The following PPIL6 variants were observed in gnomAD, a reference collection of about 807,000 sequenced individuals.
PPIL6 encodes probable inactive peptidyl-prolyl cis-trans isomerase-like 6.
PPIL6 carries 39 observed loss-of-function variants against 36.8 expected under a neutral mutation model. The observed-to-expected ratio is 1.06, with a 90% CI of 0.82 to 1.38. The LOEUF (loss-of-function observed/expected upper bound fraction) is 1.38, where lower values mean the gene tolerates loss of function less well. Among genes scored for constraint, PPIL6 ranks in the 40% most tolerant of loss-of-function variants. The probability of loss-of-function intolerance (pLI) is 0.00; values close to 1 mark genes in which losing one functional copy is unlikely to be tolerated. For synonymous variants in PPIL6, 123 were observed against 134.1 expected (o/e 0.92, Z 0.57); for missense variants, 368 against 379.1 (o/e 0.97, Z 0.24).
In PPIL6 at chr6:109,422,184, T is replaced by G. The variant is rs555581755; in HGVS notation, c.632-2941A>C. Among the ~76,000 whole-genome samples, 4 of 152,228 alleles carry G rather than the reference T, an allele frequency of 2.6e-5. No homozygotes were observed. The East Asian group carries it at 5.8e-4, about 22-fold the overall frequency. On this transcript the variant is annotated intron_variant, in intron 5 of 7. Coordinates refer to ENST00000521072, the MANE Select transcript of PPIL6 (RefSeq NM_173672.5). ...AGCCACCGTGCCTGGCCTACAAAAA[T>G]TTTTAAAAATTAGCTGGGCATGGTG...
In PPIL6 at chr6:109,403,082, C is replaced by T. The variant is rs1227700354; in HGVS notation, c.689-2912G>A. 5 of 1,530,150 alleles carry T rather than the reference C, an allele frequency of 3.3e-6. No homozygotes were observed. In the African/African-American group the frequency reaches 5.5e-5, roughly 17 times the overall value. 94.8% of individuals were successfully genotyped at this position (1,530,150 alleles called of 1,614,324 possible). On this transcript the variant is annotated intron_variant, in intron 6 of 7. Coordinates refer to ENST00000521072, the MANE Select transcript of PPIL6 (RefSeq NM_173672.5). ...CCTCTGCTTTCCTTCTGCCTCTTTA[C>T]ACTTCTTTTCAAGCTTCCATAAAGC...
intron 1 of PPIL6, among the ~76,000 whole-genome samples, chr6:109,437,769 G>A (rs1774535310): frequency 6.6e-6 from 1 of 151,804 alleles, no homozygotes; most frequent in African/African-American, 2.4e-5. Context: ...TGGCCAGGCT[G>A]GTCTTGGCCA....
intron 6 of PPIL6, among the ~76,000 whole-genome samples, 161 bp downstream of exon 6, chr6:109,419,026 G>A (rs941021352): frequency 2.0e-5 from 3 of 151,954 alleles, no homozygotes; most frequent in East Asian, 1.9e-4. Context: ...TGCTCTGGTC[G>A]GGCCTTAGGG....
chr6:109,424,171 C>A (rs189332925), intron 5 of PPIL6, among the ~76,000 whole-genome samples: 1 of 152,146 alleles, frequency 6.6e-6, no homozygotes, highest in East Asian at 1.9e-4. Context: ...TCCGGTAAGG[C>A]CTTGCCCAGA....
chr6:109,411,977 TG>T (rs1773031754), intron 6 of PPIL6, among the ~76,000 whole-genome samples: 1 of 152,072 alleles, frequency 6.6e-6, no homozygotes, highest in South Asian at 2.1e-4. Flanking sequence ...ACTCCAGAGG[TG>T]GGGCTCAGAT....
rs116533355 is a variant in PPIL6, at chr6:109,428,596, A to G, written c.421-1440T>C. Among the ~76,000 whole-genome samples the G allele has an allele frequency of 7.8e-4, 118 of 151,542 alleles. 1 individual carries two copies. The highest frequency in any genetic ancestry group is 3.4e-3 in the Middle Eastern group (1 of 290). ...ACCACCTTATTGAGCAAGGTGCATA[A>G]CTTGTCCTGTCCTCTTTCTTAAGAA... On this transcript the variant is annotated intron_variant, in intron 3 of 7. Transcript: ENST00000521072.
chr6:109,421,576 G>A (rs533583399), intron 5 of PPIL6, among the ~76,000 whole-genome samples: 87 of 150,002 alleles, frequency 5.8e-4, no homozygotes, highest in Admixed American at 1.1e-3. Context: ...TCATCATTCT[G>A]CTCAATATGA....
In PPIL6 at chr6:109,440,028, C is replaced by T; in HGVS notation, c.135+428G>A. The T allele has an allele frequency of 7.2e-6, 2 of 277,264 alleles. 1 individual carries two copies. Among genetic ancestry groups the T allele is most frequent in the South Asian group, 5.7e-5 (2 of 35,044 alleles). 17.2% of individuals were successfully genotyped at this position (277,264 alleles called of 1,614,324 possible). A position where few individuals can be genotyped will look rare whatever the true frequency, so the allele number is the denominator to read the frequency against. On this transcript the variant is annotated intron_variant, in intron 1 of 7. Coordinates refer to ENST00000521072, the MANE Select transcript of PPIL6 (RefSeq NM_173672.5). ...AGAATCTCCCCGCATGAATAGTTAACAAAAATCGCTTGGGCCGAGGTGGCG... is the reference window on the plus strand; with the variant it reads ...AGAATCTCCCCGCATGAATAGTTAATAAAAATCGCTTGGGCCGAGGTGGCG...
intron 6 of PPIL6, among the ~76,000 whole-genome samples, chr6:109,403,656 G>T (rs1030806142): frequency 6.6e-6 from 1 of 152,000 alleles, no homozygotes; most frequent in Non-Finnish European, 1.5e-5. Flanking sequence ...ATTTATTTAG[G>T]ACTTTAAAAG....
chr6:109,422,726 A>G (rs1249029534), intron 5 of PPIL6, among the ~76,000 whole-genome samples: 1 of 152,246 alleles, frequency 6.6e-6, no homozygotes, highest in African/African-American at 2.4e-5. Context: ...AAAACACAGA[A>G]AAGTTCATTT....
intron 5 of PPIL6, among the ~76,000 whole-genome samples, chr6:109,422,457 T>G (rs1773600076): frequency 6.6e-6 from 1 of 152,132 alleles, no homozygotes; most frequent in South Asian, 2.1e-4. Context: ...TTGCCAGGCA[T>G]GGTAATGTGT....
intron 6 of PPIL6, 47 bp downstream of exon 6, chr6:109,419,140 T>A: frequency 8.9e-7 from 1 of 1,126,810 alleles, no homozygotes. Flanking sequence ...CCTGTTAAGT[T>A]TGAATAATCA....
chr6:109,440,691 G>A, upstream of PPIL6: 1 of 944,440 alleles, frequency 1.1e-6, no homozygotes, highest in Non-Finnish European at 1.3e-6. Context: ...GCCCAGGGGC[G>A]GGTCGAGGGC....
intron 5 of PPIL6, among the ~76,000 whole-genome samples, chr6:109,419,991 A>C (rs567081092): frequency 6.6e-6 from 1 of 152,270 alleles, no homozygotes; most frequent in Non-Finnish European, 1.5e-5. Flanking sequence ...TCTGAGATCA[A>C]GATTAAACTA....
chr6:109,391,290 A>C lies in PPIL6; in HGVS notation c.*1536T>G. 8.5e-6 allele frequency: 1 copy of C among 117,130 alleles called. No homozygotes were observed. Among genetic ancestry groups the C allele is most frequent in the African/African-American group, 6.1e-5 (1 of 16,314 alleles). 7.3% of individuals were successfully genotyped at this position (117,130 alleles called of 1,614,324 possible). A position where few individuals can be genotyped will look rare whatever the true frequency, so the allele number is the denominator to read the frequency against. ...GCGACAGAGTGAGATTCCGTCTCAA[A>C]AAAAAAAAAAAAAAAAAAAAAAAAA... On this transcript the variant is annotated 3_prime_UTR_variant, in exon 8 of 8. Transcript: ENST00000521072.
upstream of PPIL6, chr6:109,440,849 AGC>A: frequency 2.0e-6 from 1 of 496,534 alleles, no homozygotes; most frequent in Non-Finnish European, 3.5e-6. Flanking sequence ...CCAGGGTCCT[AGC>A]GCGCGGCCCT....
intron 2 of PPIL6, among the ~76,000 whole-genome samples, chr6:109,434,283 C>T (rs1774325032): frequency 6.6e-6 from 1 of 152,090 alleles, no homozygotes; most frequent in African/African-American, 2.4e-5. Flanking sequence ...AAGCTGGGCA[C>T]AGTGGCTCAC....
intron 1 of PPIL6, 82 bp downstream of exon 1, chr6:109,440,374 G>C (rs1363583926): frequency 1.4e-6 from 2 of 1,476,504 alleles, no homozygotes; most frequent in Non-Finnish European, 9.1e-7. Flanking sequence ...GCCGCCTCGA[G>C]GAGGCGCGGC....
chr6:109,424,608 A>G (rs372811231), intron 5 of PPIL6, among the ~76,000 whole-genome samples: 37 of 152,328 alleles, frequency 2.4e-4, no homozygotes, highest in African/African-American at 8.7e-4. Context: ...TTGCATTCCC[A>G]GATGGTTATG....
Sources: gnomAD v4.1 joint callset for allele counts (sites outside exome capture counted in the v4.1 genomes callset) on GRCh38, gnomAD v4.1.1 for gene constraint, MANE v1.5 for transcripts, NCBI Gene and HGNC (gene_info 2026-07-23, HGNC 2026-07-21) for gene names.